The following TBC1D19 variants were observed in gnomAD, a reference collection of about 807,000 sequenced individuals.
TBC1D19 encodes the protein TBC1 domain family, member 19.
A neutral mutation model predicts 89.0 loss-of-function variants in TBC1D19; 60 were observed. That is an observed-to-expected ratio of 0.67 (90% confidence interval 0.55 to 0.84). The LOEUF is 0.84. Ranked by LOEUF, TBC1D19 falls within the 40% of genes least tolerant of loss-of-function variation. The pLI is 0.00. For missense variants in TBC1D19, 500 were observed against 610.8 expected (o/e 0.82, Z 1.91); for synonymous variants, 189 against 199.7 (o/e 0.95, Z 0.45).
At chr4:26,653,819 C>G (rs142733725) in intron 7 of TBC1D19, among the ~76,000 whole-genome samples, 64 of 152,282 alleles carry the variant, frequency 4.2e-4, no homozygotes, top group African/African-American at 1.5e-3. Context: ...GGTCTTTACT[C>G]TTTCTCCAAT....
chr4:26,623,120 A>G (rs1482971292), intron 4 of TBC1D19, among the ~76,000 whole-genome samples: 1 of 152,098 alleles, frequency 6.6e-6, no homozygotes, highest in African/African-American at 2.4e-5. Flanking sequence ...AAAGCTACCT[A>G]GTTTGGATCA....
chr4:26,651,445 T>C (rs956237280), intron 7 of TBC1D19, among the ~76,000 whole-genome samples: 4 of 152,206 alleles, frequency 2.6e-5, no homozygotes, highest in Non-Finnish European at 5.9e-5. Context: ...CCTTGTAAGT[T>C]GGATTCCTAG....
chr4:26,613,242 GT>G lies in TBC1D19; in HGVS notation c.172+4del. On this transcript the variant is annotated splice_donor_variant, in intron 2 of 20. Transcript: ENST00000264866. LOFTEE classifies it high-confidence loss of function. ...ATTAAGGAATTCTTTAAAATATCAG[GT>G]TTGTAAGTTTTTCCTAATAACTTAA... The G allele has an allele frequency of 2.6e-6, 4 of 1,531,842 alleles. No individual in the cohort carries two copies. The highest frequency in any genetic ancestry group is 3.5e-6 in the Non-Finnish European group (4 of 1,129,974). 94.9% of individuals were successfully genotyped at this position (1,531,842 alleles called of 1,614,324 possible).
chr4:26,806,469 C>T, the TBC1D19 span, among the ~76,000 whole-genome samples: 1 of 152,222 alleles, frequency 6.6e-6, no homozygotes, highest in Non-Finnish European at 1.5e-5. Flanking sequence ...TTAGCTCATG[C>T]TAATCTCATG....
chr4:26,794,076 C>T, the TBC1D19 span, among the ~76,000 whole-genome samples: 1 of 152,012 alleles, frequency 6.6e-6, no homozygotes, highest in Admixed American at 6.6e-5. Context: ...AACATGTTCC[C>T]AAAAGGAGAT....
chr4:26,600,244 C>G (rs1159449926), intron 1 of TBC1D19, among the ~76,000 whole-genome samples: 1 of 152,034 alleles, frequency 6.6e-6, no homozygotes, highest in African/African-American at 2.4e-5. Flanking sequence ...AGTCAAGAAC[C>G]CTGATTACAT....
chr4:26,598,111 ATAT>A (rs1165040977), intron 1 of TBC1D19, among the ~76,000 whole-genome samples: 1 of 152,198 alleles, frequency 6.6e-6, no homozygotes, highest in African/African-American at 2.4e-5. Flanking sequence ...TATTTAGTCA[ATAT>A]TATTCATTCT....
At chr4:26,614,977 C>T (rs1741596175) in intron 3 of TBC1D19, among the ~76,000 whole-genome samples, 1 of 152,050 alleles carries the variant, frequency 6.6e-6, no homozygotes, top group South Asian at 2.1e-4. Context: ...TGTGCCTGGC[C>T]CCACCCATTA....
chr4:26,677,444 G>A (rs1263766258), intron 11 of TBC1D19, among the ~76,000 whole-genome samples: 1 of 151,240 alleles, frequency 6.6e-6, no homozygotes, highest in Non-Finnish European at 1.5e-5. Context: ...TCAGCCTCCC[G>A]ATTAGCTGGG....
intron 7 of TBC1D19, among the ~76,000 whole-genome samples, chr4:26,651,031 T>C (rs1433596628): frequency 6.6e-6 from 1 of 152,170 alleles, no homozygotes; most frequent in Non-Finnish European, 1.5e-5. Context: ...GTTGTAGATA[T>C]GTGGCATTAT....
At chr4:26,803,236 C>T in the TBC1D19 span, among the ~76,000 whole-genome samples, 2 of 152,154 alleles carry the variant, frequency 1.3e-5, no homozygotes, top group South Asian at 4.1e-4. Context: ...TAAACCAATA[C>T]TTTTATGAAG....
intron 15 of TBC1D19, among the ~76,000 whole-genome samples, chr4:26,722,888 C>T (rs1362689766): frequency 6.6e-6 from 1 of 152,146 alleles, no homozygotes; most frequent in Admixed American, 6.5e-5. Context: ...ACCTGCCCAA[C>T]AGGTGAGTGA....
intron 14 of TBC1D19, 125 bp from the exon 15 acceptor site, chr4:26,719,956 T>C (rs4590010): frequency 0.43 from 270,211 of 634,274 alleles, 60,615 homozygotes; most frequent in Middle Eastern, 0.49. Flanking sequence ...TTTCATATCA[T>C]GAAATGACAT....
the TBC1D19 span, among the ~76,000 whole-genome samples, chr4:26,763,055 G>A: frequency 6.6e-6 from 1 of 152,188 alleles, no homozygotes; most frequent in East Asian, 1.9e-4. Context: ...TAAGTTTACT[G>A]TATTAACTGT....
intron 17 of TBC1D19, 134 bp from the exon 18 acceptor site, chr4:26,742,374 G>A: frequency 3.1e-6 from 2 of 648,210 alleles, no homozygotes; most frequent in Non-Finnish European, 4.9e-6. Flanking sequence ...TACATTTCAT[G>A]TTTTTGACTC....
chr4:26,816,001 C>A, the TBC1D19 span, among the ~76,000 whole-genome samples: 1 of 152,178 alleles, frequency 6.6e-6, no homozygotes, highest in African/African-American at 2.4e-5. Flanking sequence ...CAGAGGAGTT[C>A]TCTCCACAGG....
chr4:26,723,266 G>A (rs1318700716), intron 15 of TBC1D19, among the ~76,000 whole-genome samples: 15 of 151,750 alleles, frequency 9.9e-5, no homozygotes, highest in East Asian at 5.8e-4. Context: ...ACTCTCCCCC[G>A]CTTTTTTTTT....
intron 1 of TBC1D19, among the ~76,000 whole-genome samples, chr4:26,592,588 C>G (rs565634639): frequency 1.7e-3 from 256 of 152,014 alleles, no homozygotes; most frequent in African/African-American, 6.0e-3. Context: ...TCTAGAAAAC[C>G]CCATCGTCTC....
the TBC1D19 span, among the ~76,000 whole-genome samples, chr4:26,854,905 G>A: frequency 3.9e-5 from 6 of 152,154 alleles, no homozygotes; most frequent in Non-Finnish European, 7.4e-5. Context: ...TGCCTGGAGC[G>A]GCAGGTGGCA....
Sources: allele counts gnomAD v4.1 joint callset (sites outside exome capture counted in the v4.1 genomes callset), GRCh38; gene constraint gnomAD v4.1.1; transcripts MANE v1.5; gene names NCBI Gene and HGNC (gene_info 2026-07-23, HGNC 2026-07-21).